TCF4: variants seen among roughly 807,000 people sequenced by gnomAD.
TCF4 encodes SL3-3 enhancer factor 2.
A neutral mutation model predicts 82.1 loss-of-function variants in TCF4; 3 were observed. That is an observed-to-expected ratio of 0.04 (90% CI 0.02 to 0.09). The LOEUF is 0.09. Among genes scored for constraint, TCF4 ranks in the 10% least tolerant of loss-of-function variants. The probability of loss-of-function intolerance (pLI) is 1.00; values close to 1 mark genes in which losing one functional copy is unlikely to be tolerated. For missense variants in TCF4, 518 were observed against 852.7 expected (o/e 0.61, Z 4.89); for synonymous variants, 276 against 309.6 (o/e 0.89, Z 1.14).
Position 55,612,168 on chromosome 18 carries a change from C to G in TCF4, c.286+19130G>C, listed in dbSNP as rs142969233. On this transcript the variant is annotated intron_variant, in intron 2 of 20. Transcript: ENST00000398339. ...TTGGATGAGCCACATTTCTACTGCT[C>G]AGTAGCACAGATGGCTAGAGCCTAC... Among the ~76,000 whole-genome samples the G allele has an allele frequency of 1.2e-3, 189 of 152,310 alleles. 1 individual carries two copies. Among genetic ancestry groups the G allele is most frequent in the African/African-American group, 4.5e-3 (185 of 41,562 alleles).
At chr18:55,534,882 T>C (rs574887864) in intron 3 of TCF4, among the ~76,000 whole-genome samples, 60 of 152,306 alleles carry the variant, frequency 3.9e-4, no homozygotes, top group Admixed American at 9.1e-4. Flanking sequence ...AGCATGCCAA[T>C]AGAATGACAC....
chr18:55,609,913 C>T (rs1368733554), intron 2 of TCF4, among the ~76,000 whole-genome samples: 1 of 79,506 alleles, frequency 1.3e-5, no homozygotes, highest in Non-Finnish European at 3.4e-5. Context: ...CACTCACCCC[C>T]TGTTTGTTTT....
chr18:55,266,055 T>C (rs143662602), intron 11 of TCF4: 2 of 152,108 alleles, frequency 1.3e-5, no homozygotes, highest in African/African-American at 4.8e-5. Context: ...TCACACCCTG[T>C]GAATGTATAC....
At chr18:55,545,327 T>G (rs371618413) in intron 3 of TCF4, among the ~76,000 whole-genome samples, 3 of 152,228 alleles carry the variant, frequency 2.0e-5, no homozygotes, top group Admixed American at 6.5e-5. Flanking sequence ...TTACGACAGA[T>G]TTGTCTTCTA....
rs144835402 is a variant in TCF4, at chr18:55,279,602, G to T, written c.604C>A (p.Pro202Thr). The T allele has an allele frequency of 1.2e-6, 2 of 1,613,908 alleles. No homozygotes were observed. The highest frequency in any genetic ancestry group is 2.7e-5 in the African/African-American group (2 of 74,910). The part of the protein sequence containing the change: ...ADYNRDSPGY[P>T]SSKPATSTFP... ...GTGCTGGTTGCTGGTTTGGAGGAAGGATAGCCTGGCGAGTCCCTATTGTAG... is the reference window on the plus strand; with the variant it reads ...GTGCTGGTTGCTGGTTTGGAGGAAGTATAGCCTGGCGAGTCCCTATTGTAG... The change falls in exon 9 of 20, where the codon CCT (proline) becomes ACT (threonine). Residue 202 changes from proline (P) to threonine (T), a missense_variant. By Grantham distance (38) the Pro-to-Thr change is conservative. Coordinates refer to ENST00000354452, the MANE Select transcript of TCF4 (RefSeq NM_001083962.2).
chr18:55,395,038 TG>T (rs2093409112), intron 6 of TCF4, among the ~76,000 whole-genome samples: 1 of 152,220 alleles, frequency 6.6e-6, no homozygotes, highest in African/African-American at 2.4e-5. Flanking sequence ...TATTTTAATT[TG>T]GGGGTTCAGT....
chr18:55,588,089 T>G lies in TCF4; in HGVS notation c.-72A>C. 1 of 1,007,468 alleles carries G rather than the reference T, an allele frequency of 9.9e-7. No individual in the cohort carries two copies. 62.4% of individuals were successfully genotyped at this position (1,007,468 alleles called of 1,614,324 possible). ...GTGCACCGCCGGCGCCGAGGCGGCG[T>G]TCATGTCTAACCGCCGCCGCCACCG... On this transcript the variant is annotated 5_prime_UTR_variant, in exon 1 of 20. Transcript: ENST00000354452.
intron 13 of TCF4, among the ~76,000 whole-genome samples, chr18:55,258,688 T>C (rs2057399122): frequency 6.6e-6 from 1 of 152,168 alleles, no homozygotes. Context: ...AAATGAAAGC[T>C]ACTTTGTTTG....
upstream of TCF4, chr18:55,589,360 A>C (rs1276209316): frequency 1.9e-6 from 2 of 1,053,758 alleles, no homozygotes; most frequent in African/African-American, 3.3e-5. Context: ...GAGAGACAAA[A>C]ATCTTCTGCA....
At chr18:55,416,221 CT>C (rs1319055092) in intron 5 of TCF4, among the ~76,000 whole-genome samples, 2 of 151,986 alleles carry the variant, frequency 1.3e-5, no homozygotes. Flanking sequence ...GTTTTCCAAG[CT>C]TGTTGAAACA....
intron 2 of TCF4, among the ~76,000 whole-genome samples, chr18:55,596,839 A>T (rs1183284999): frequency 6.6e-6 from 1 of 152,112 alleles, no homozygotes; most frequent in African/African-American, 2.4e-5. Context: ...TAAAAAAAAA[A>T]GTTTATAGCC....
chr18:55,481,442 T>A lies in TCF4; in HGVS notation c.146-17305A>T, dbSNP rs73957202. On this transcript the variant is annotated intron_variant, in intron 3 of 19. Transcript: ENST00000354452. ...GCCATTACTCAGGTAGACTGTATTA[T>A]CCTCATTTTACAGATGAAAAATCAG... 9.1e-3 allele frequency among the ~76,000 whole-genome samples: 1,383 copies of A among 152,350 alleles called. 25 individuals are homozygous for A. The highest frequency in any genetic ancestry group is 0.032 in the African/African-American group (1,319 of 41,578).
At chr18:55,319,458 T>A (rs2074962433) in intron 8 of TCF4, among the ~76,000 whole-genome samples, 1 of 152,180 alleles carries the variant, frequency 6.6e-6, no homozygotes. Flanking sequence ...AAAGCTAAGA[T>A]GGACAACTGG....
chr18:55,542,876 T>C (rs1267922311), intron 3 of TCF4, among the ~76,000 whole-genome samples: 1 of 152,098 alleles, frequency 6.6e-6, no homozygotes, highest in Non-Finnish European at 1.5e-5. Flanking sequence ...AGTCTATTAA[T>C]TAAACATCTA....
At chr18:55,523,921 A>G (rs2096955308) in intron 3 of TCF4, among the ~76,000 whole-genome samples, 1 of 152,144 alleles carries the variant, frequency 6.6e-6, no homozygotes, top group Non-Finnish European at 1.5e-5. Flanking sequence ...CCAATATTCC[A>G]ATTGTTCTAG....
At chr18:55,554,063 A>AT in intron 3 of TCF4, among the ~76,000 whole-genome samples, 1 of 152,240 alleles carries the variant, frequency 6.6e-6, no homozygotes, top group Middle Eastern at 3.4e-3. Context: ...GTCACTCATA[A>AT]TTTTTTTAAA....
intron 3 of TCF4, among the ~76,000 whole-genome samples, chr18:55,510,286 G>A (rs1167202934): frequency 4.6e-5 from 7 of 152,048 alleles, no homozygotes; most frequent in South Asian, 2.1e-4. Context: ...CTATTTCTCC[G>A]TCTAAAGAGT....
At position 55,491,497 on chromosome 18, in the gene TCF4, G is replaced by A. The variant is rs1233643862; in HGVS notation, c.146-27360C>T. 2.0e-5 allele frequency among the ~76,000 whole-genome samples: 3 copies of A among 152,192 alleles called. No individual in the cohort carries two copies. The East Asian group carries it at 5.8e-4, about 29-fold the overall frequency. ...ACCCAGTCTGTTGCACAGAGAAGCA[G>A]ATTTTTGCAGGTGTTTCCTTACCAT... On this transcript the variant is annotated intron_variant, in intron 3 of 19. Coordinates refer to ENST00000354452, the MANE Select transcript of TCF4 (RefSeq NM_001083962.2).
rs1556033553 is a variant in TCF4 at position 55,399,925 on chromosome 18, C to CA, written c.369+3528dup. On this transcript the variant is annotated intron_variant, in intron 6 of 19. Coordinates refer to ENST00000354452, the MANE Select transcript of TCF4 (RefSeq NM_001083962.2). ...ACACACACACACACACACACACACACAATACTAAAAATGAAACCATGGCTT... is the reference window on the plus strand; with the variant it reads ...ACACACACACACACACACACACACACAAATACTAAAAATGAAACCATGGCTT... Among the ~76,000 whole-genome samples the CA allele has an allele frequency of 6.0e-4, 76 of 126,742 alleles. 1 individual carries two copies. Among genetic ancestry groups the CA allele is most frequent in the African/African-American group, 2.1e-3 (67 of 32,320 alleles). The allele number at this position is 126,742 out of a possible 152,430, so 83.1% of individuals were successfully genotyped here. A position where few individuals can be genotyped will look rare whatever the true frequency, so the allele number is the denominator to read the frequency against.
Sources: gnomAD v4.1 joint callset for allele counts (sites outside exome capture counted in the v4.1 genomes callset) on GRCh38, gnomAD v4.1.1 for gene constraint, MANE v1.5 for transcripts, NCBI Gene and HGNC (gene_info 2026-07-23, HGNC 2026-07-21) for gene names.